Variants in UGT2A1 observed in about 807,000 individuals in gnomAD.
The protein encoded by UGT2A1 is UDP glucuronosyltransferase family 2 member A1 complex locus.
UGT2A1 carries 61 observed loss-of-function variants against 45.4 expected under a neutral mutation model. That is an observed-to-expected ratio of 1.34 (90% CI 1.09 to 1.66). The LOEUF is 1.66. Ranked by LOEUF, UGT2A1 falls within the 40% of genes most tolerant of loss-of-function variation. The pLI is 0.00. For synonymous variants in UGT2A1, 229 were observed against 196.2 expected, an observed-to-expected ratio of 1.17 and a Z score of -1.40; for missense variants, 649 against 574.3, an observed-to-expected ratio of 1.13 and a Z score of -1.33.
In UGT2A1 at chr4:69,594,595, C is replaced by G; in HGVS notation, c.1186G>C (p.Asp396His). ...VPMVGVPMFA[D>H]QPDNIAHMKA... Reference sequence around the variant, plus strand: ...ATGTGAGCAATGTTATCAGGCTGATCAGCAAACATGGGAACTCCCACCATA... The same window carrying G: ...ATGTGAGCAATGTTATCAGGCTGATGAGCAAACATGGGAACTCCCACCATA... The change falls in exon 6 of 7, where the codon GAT (aspartate) becomes CAT (histidine). Residue 396 changes from aspartate (D) to histidine (H), a missense_variant. Asp to His is a moderately conservative substitution (Grantham distance 81). Transcript: ENST00000286604. 2.5e-6 allele frequency: 4 copies of G among 1,614,122 alleles called. No individual in the cohort carries two copies. Among genetic ancestry groups the G allele is most frequent in the Non-Finnish European group, 3.4e-6 (4 of 1,180,042 alleles).
rs770885605 is a variant in UGT2A1 at position 69,594,503 on chromosome 4, AGCGC to A, written c.1274_1277del (p.Ser425IlefsTer2). On this transcript the variant is annotated frameshift_variant, in exon 6 of 7. Coordinates refer to ENST00000286604, the MANE Select transcript of UGT2A1 (RefSeq NM_001252275.3). LOFTEE classifies it high-confidence loss of function. ...AAGGTTCATTAATGACTGTTCTCAA[AGCGC>A]TAAGCAAATCCACACTTGTCATTGT... 11 of 1,614,038 alleles carry A rather than the reference AGCGC, an allele frequency of 6.8e-6. No homozygotes were observed. Among genetic ancestry groups the A allele is most frequent in the Admixed American group, 1.7e-5 (1 of 59,982 alleles).
chr4:69,607,477 C>A (rs1719712508), intron 3 of UGT2A1, among the ~76,000 whole-genome samples: 1 of 151,868 alleles, frequency 6.6e-6, no homozygotes, highest in Admixed American at 6.6e-5. Flanking sequence ...TAGAAGAAAA[C>A]CTAGGCAATA....
intron 1 of UGT2A1, 147 bp downstream of exon 1, chr4:69,653,041 A>G (rs1722613086): frequency 6.6e-6 from 1 of 152,236 alleles, no homozygotes; most frequent in Non-Finnish European, 1.5e-5. Flanking sequence ...ATAAAGTAGA[A>G]CTAATAATGC....
chr4:69,612,907 G>A (rs371472093), intron 3 of UGT2A1, among the ~76,000 whole-genome samples: 37 of 140,012 alleles, frequency 2.6e-4, no homozygotes, highest in Non-Finnish European at 3.4e-4. Context: ...AACCTCTGCA[G>A]AAAAAAAAAA....
intron 3 of UGT2A1, among the ~76,000 whole-genome samples, chr4:69,626,851 G>T (rs1721088488): frequency 6.6e-6 from 1 of 151,556 alleles, no homozygotes; most frequent in Non-Finnish European, 1.5e-5. Context: ...AATTGTCCCA[G>T]ATTTTGGAAC....
At chr4:69,589,781 T>C in intron 6 of UGT2A1, 130 bp from the exon 7 acceptor site, 4 of 1,329,388 alleles carry the variant, frequency 3.0e-6, no homozygotes, top group Non-Finnish European at 3.0e-6. Flanking sequence ...AATTCTTGCA[T>C]GAACTTTGTT....
chr4:69,629,517 C>T (rs1003832307), intron 3 of UGT2A1, among the ~76,000 whole-genome samples: 3 of 152,122 alleles, frequency 2.0e-5, no homozygotes, highest in African/African-American at 7.2e-5. Flanking sequence ...CCAGTTTTTG[C>T]TCTGAGGGTC....
intron 3 of UGT2A1, among the ~76,000 whole-genome samples, chr4:69,627,544 GAGAAAGA>G (rs1721145465): frequency 1.0e-5 from 1 of 95,594 alleles, no homozygotes; most frequent in Non-Finnish European, 2.5e-5. Flanking sequence ...AAGAGAGAGA[GAGAAAGA>G]GAGAGAGAGA....
chr4:69,652,282 C>CT (rs10649712), intron 1 of UGT2A1, among the ~76,000 whole-genome samples: 5,127 of 119,908 alleles, frequency 0.043, 408 homozygotes, highest in African/African-American at 0.14. Flanking sequence ...ACTTTATGTC[C>CT]TTTTTTTTTT....
intron 6 of UGT2A1, among the ~76,000 whole-genome samples, chr4:69,590,621 G>A (rs1718534860): frequency 6.8e-6 from 1 of 147,910 alleles, no homozygotes; most frequent in East Asian, 2.0e-4. Flanking sequence ...AGCAGCAGGA[G>A]TAGTTTACAT....
At chr4:69,606,945 C>T (rs1195622205) in intron 3 of UGT2A1, among the ~76,000 whole-genome samples, 1 of 136,418 alleles carries the variant, frequency 7.3e-6, no homozygotes, top group Non-Finnish European at 1.6e-5. Flanking sequence ...AAGAACATTC[C>T]ATGCTCATGG....
intron 3 of UGT2A1, chr4:69,603,684 A>C (rs1469854423): frequency 1.5e-5 from 2 of 136,058 alleles, no homozygotes; most frequent in African/African-American, 6.0e-5. Flanking sequence ...AATTAGACGA[A>C]TGGCTAACTA....
At chr4:69,627,541 A>AGC (rs773803006) in intron 3 of UGT2A1, among the ~76,000 whole-genome samples, 4 of 101,036 alleles carry the variant, frequency 4.0e-5, no homozygotes, top group African/African-American at 1.2e-4. Context: ...AGAAAGAGAG[A>AGC]GAGAGAAAGA....
chr4:69,598,680 A>T (rs1276076996), intron 4 of UGT2A1, among the ~76,000 whole-genome samples: 1 of 152,150 alleles, frequency 6.6e-6, no homozygotes, highest in Non-Finnish European at 1.5e-5. Context: ...ATAGGTCAGA[A>T]ACTAAACTCA....
At chr4:69,596,342 C>T in intron 4 of UGT2A1, 4 of 1,605,734 alleles carry the variant, frequency 2.5e-6, no homozygotes, top group Non-Finnish European at 3.4e-6. Flanking sequence ...AACACCACAA[C>T]ACCATTTTTA....
At chr4:69,640,318 A>G (rs1721982408) in intron 2 of UGT2A1, among the ~76,000 whole-genome samples, 1 of 151,930 alleles carries the variant, frequency 6.6e-6, no homozygotes, top group African/African-American at 2.4e-5. Context: ...TTAATTTGTT[A>G]TATTACTTTG....
chr4:69,605,014 A>G (rs1456979403), intron 3 of UGT2A1, among the ~76,000 whole-genome samples: 5 of 136,404 alleles, frequency 3.7e-5, no homozygotes, highest in Admixed American at 3.6e-4. Context: ...CAGATCAATG[A>G]GACAGAAAGA....
chr4:69,619,545 A>C (rs187183893), intron 3 of UGT2A1, among the ~76,000 whole-genome samples: 8 of 152,144 alleles, frequency 5.3e-5, no homozygotes, highest in African/African-American at 1.7e-4. Flanking sequence ...AAATAATGAT[A>C]TACCCAGAAA....
At chr4:69,603,817 G>A (rs1049665189) in intron 3 of UGT2A1, among the ~76,000 whole-genome samples, 2 of 136,980 alleles carry the variant, frequency 1.5e-5, no homozygotes, top group East Asian at 2.1e-4. Flanking sequence ...AAGGGTATCA[G>A]TGATGGAAGA....
Sources: allele counts gnomAD v4.1 joint callset (sites outside exome capture counted in the v4.1 genomes callset), GRCh38; gene constraint gnomAD v4.1.1; transcripts MANE v1.5; gene names NCBI Gene and HGNC (gene_info 2026-07-23, HGNC 2026-07-21).